Variants in KHDRBS2 observed in about 807,000 individuals in gnomAD.
KHDRBS2 encodes KH domain-containing, RNA-binding, signal transduction-associated protein 2.
Under a neutral mutation model 44.3 loss-of-function variants are expected in KHDRBS2, and 26 were observed. The observed-to-expected ratio is 0.59, with a 90% confidence interval of 0.43 to 0.81. The LOEUF is 0.81. Ranked by LOEUF, KHDRBS2 falls within the 40% of genes least tolerant of loss-of-function variation. The pLI is 0.00. For missense variants in KHDRBS2, 476 were observed against 433.1 expected (o/e 1.10, Z -0.88); for synonymous variants, 194 against 151.1 (o/e 1.28, Z -2.08).
chr6:62,186,243 T>C (rs1202864114), intron 1 of KHDRBS2, among the ~76,000 whole-genome samples: 1 of 152,088 alleles, frequency 6.6e-6, no homozygotes, highest in Non-Finnish European at 1.5e-5. Flanking sequence ...ATTGCTTAGT[T>C]TAAAACGGGA....
chr6:61,877,842 C>A (rs1449689778), intron 6 of KHDRBS2, among the ~76,000 whole-genome samples: 1 of 151,636 alleles, frequency 6.6e-6, no homozygotes, highest in Non-Finnish European at 1.5e-5. Context: ...TATTATTTTT[C>A]TTTTCTAAAT....
chr6:62,048,558 A>G (rs1788263040), intron 2 of KHDRBS2, among the ~76,000 whole-genome samples: 2 of 151,934 alleles, frequency 1.3e-5, no homozygotes, highest in African/African-American at 4.8e-5. Flanking sequence ...TTATTGTTCA[A>G]TCTTACATTG....
intron 6 of KHDRBS2, among the ~76,000 whole-genome samples, chr6:61,873,495 A>G (rs1482740194): frequency 3.3e-5 from 5 of 152,048 alleles, no homozygotes; most frequent in African/African-American, 1.2e-4. Flanking sequence ...AACTAAGGAC[A>G]GTAATAACAT....
At chr6:61,943,110 G>GAA (rs1426060543) in intron 4 of KHDRBS2, among the ~76,000 whole-genome samples, 2 of 134,536 alleles carry the variant, frequency 1.5e-5, no homozygotes, top group Non-Finnish European at 3.4e-5. Context: ...AAGAAAGAAA[G>GAA]AAAAGAAAAA....
chr6:61,857,511 T>C (rs1182391871), intron 6 of KHDRBS2, among the ~76,000 whole-genome samples: 1 of 151,956 alleles, frequency 6.6e-6, no homozygotes, highest in Non-Finnish European at 1.5e-5. Flanking sequence ...CTCTTCAAAA[T>C]AATATTCTCT....
At chr6:61,701,472 C>A (rs1399450959) in intron 7 of KHDRBS2, among the ~76,000 whole-genome samples, 2 of 151,772 alleles carry the variant, frequency 1.3e-5, no homozygotes, top group Non-Finnish European at 2.9e-5. Context: ...CATATATGAC[C>A]CCTAGAACAA....
chr6:62,157,501 G>A (rs1816720450), intron 2 of KHDRBS2, among the ~76,000 whole-genome samples: 1 of 152,074 alleles, frequency 6.6e-6, no homozygotes, highest in Non-Finnish European at 1.5e-5. Flanking sequence ...AGTTTTTGGG[G>A]TAATAAGCAA....
At chr6:61,726,588 A>T (rs1265172523) in intron 7 of KHDRBS2, among the ~76,000 whole-genome samples, 1 of 152,176 alleles carries the variant, frequency 6.6e-6, no homozygotes, top group Non-Finnish European at 1.5e-5. Context: ...AGGATACAAA[A>T]TCAGTGTGCA....
chr6:62,144,302 C>A (rs1813473840), intron 2 of KHDRBS2, among the ~76,000 whole-genome samples: 1 of 151,862 alleles, frequency 6.6e-6, no homozygotes, highest in South Asian at 2.1e-4. Context: ...TAGATGTTAA[C>A]AAAATATTTA....
rs183845760 is a variant in KHDRBS2, at chr6:61,968,888, C to A, written c.483+9178G>T. Among the ~76,000 whole-genome samples, 17 of 152,040 alleles carry A rather than the reference C, an allele frequency of 1.1e-4. No homozygotes were observed. In the East Asian group the frequency reaches 2.9e-3, roughly 26 times the overall value. On this transcript the variant is annotated intron_variant, in intron 4 of 8. Transcript: ENST00000281156. ...GATTCCACCTGTGGTTTTCAAATAA[C>A]CCTCTTTGGAGCTCTGTGGCTTCTG...
intron 3 of KHDRBS2, among the ~76,000 whole-genome samples, chr6:62,002,349 T>C (rs185264411): frequency 5.8e-4 from 88 of 152,056 alleles, no homozygotes; most frequent in African/African-American, 1.7e-3. Flanking sequence ...TGAAGGTTTA[T>C]TTATTTATTA....
chr6:61,924,285 A>G (rs998816550), intron 4 of KHDRBS2, among the ~76,000 whole-genome samples: 2 of 152,088 alleles, frequency 1.3e-5, no homozygotes, highest in East Asian at 3.9e-4. Context: ...CCTTCCTGCA[A>G]CAGTAAGTGG....
intron 6 of KHDRBS2, among the ~76,000 whole-genome samples, chr6:61,749,009 C>CTTTTTTTTTTTTTTTTTTTTTTTTTT (rs34423906): frequency 1.0e-5 from 1 of 97,220 alleles, no homozygotes; most frequent in African/African-American, 4.1e-5. Context: ...TTCTTTCTTT[C>CTTTTTTTTTTTTTTTTTTTTTTTTTT]TTTTTTTTTT....
At chr6:61,946,396 C>T (rs192317634) in intron 4 of KHDRBS2, among the ~76,000 whole-genome samples, 221 of 152,318 alleles carry the variant, frequency 1.5e-3, no homozygotes, top group African/African-American at 5.0e-3. Context: ...ATCCATGCTG[C>T]TGTCTTGCTT....
At chr6:61,726,800 T>C (rs538658494) in intron 7 of KHDRBS2, among the ~76,000 whole-genome samples, 32 of 152,310 alleles carry the variant, frequency 2.1e-4, no homozygotes, top group African/African-American at 7.0e-4. Flanking sequence ...AAACATTCCA[T>C]GCTTATGGAT....
chr6:62,012,257 G>A (rs1057513925), intron 3 of KHDRBS2, among the ~76,000 whole-genome samples: 1 of 152,136 alleles, frequency 6.6e-6, no homozygotes, highest in African/African-American at 2.4e-5. Flanking sequence ...AAGTCCTGCA[G>A]ATTCTGATCT....
chr6:61,837,799 T>A (rs1401696234), intron 6 of KHDRBS2, among the ~76,000 whole-genome samples: 2 of 152,020 alleles, frequency 1.3e-5, no homozygotes, highest in African/African-American at 4.8e-5. Context: ...AGGAGACCTA[T>A]ATAACACCTG....
intron 6 of KHDRBS2, among the ~76,000 whole-genome samples, chr6:61,766,951 G>C (rs1780100926): frequency 6.6e-6 from 1 of 152,084 alleles, no homozygotes; most frequent in South Asian, 2.1e-4. Flanking sequence ...GAAATGTTCT[G>C]TAAATACCTA....
intron 4 of KHDRBS2, among the ~76,000 whole-genome samples, chr6:61,940,434 T>C (rs1811916057): frequency 6.6e-6 from 1 of 151,984 alleles, no homozygotes; most frequent in South Asian, 2.1e-4. Flanking sequence ...ACAACTAACA[T>C]AGGGAACTTC....
Sources: allele counts gnomAD v4.1 joint callset (sites outside exome capture counted in the v4.1 genomes callset), GRCh38; gene constraint gnomAD v4.1.1; transcripts MANE v1.5; gene names NCBI Gene and HGNC (gene_info 2026-07-23, HGNC 2026-07-21).